TIAM1: variants seen among roughly 807,000 people sequenced by gnomAD.
TIAM1 encodes TIAM Rac1 associated GEF 1.
TIAM1 carries 65 observed loss-of-function variants against 163.5 expected under a neutral mutation model. That is an observed-to-expected ratio of 0.40 (90% CI 0.33 to 0.49). The LOEUF (loss-of-function observed/expected upper bound fraction) is 0.49. Ranked by LOEUF, TIAM1 falls within the 20% of genes least tolerant of loss-of-function variation. The pLI is 0.77. For synonymous variants in TIAM1, 833 were observed against 810.1 expected, an observed-to-expected ratio of 1.03 and a Z score of -0.48; for missense variants, 1,789 against 2,044.7, an observed-to-expected ratio of 0.87 and a Z score of 2.41.
rs960690988 is a variant in TIAM1, at chr21:31,242,549, G to A, written c.1584+2939C>T. 5.9e-5 allele frequency among the ~76,000 whole-genome samples: 9 copies of A among 152,278 alleles called. No homozygotes were observed. In the South Asian group the frequency reaches 1.9e-3, roughly 32 times the overall value. On this transcript the variant is annotated intron_variant, in intron 6 of 27. Coordinates refer to ENST00000541036, the MANE Select transcript of TIAM1 (RefSeq NM_001353694.2). ...AGGCAGAGATGGAAGCTAGTTGCCT[G>A]AGCGTTGATGATAGGCTTGAACTTG...
At chr21:31,318,862 T>G (rs1453405401) in intron 2 of TIAM1, among the ~76,000 whole-genome samples, 1 of 152,198 alleles carries the variant, frequency 6.6e-6, no homozygotes, top group Non-Finnish European at 1.5e-5. Context: ...TGGTGGTTTT[T>G]GTTTTTGTTG....
chr21:31,176,118 G>C (rs1438588513), intron 15 of TIAM1, among the ~76,000 whole-genome samples: 2 of 152,126 alleles, frequency 1.3e-5, no homozygotes, highest in African/African-American at 4.8e-5. Context: ...GCGTACTATT[G>C]TCTCGTAGTG....
intron 2 of TIAM1, among the ~76,000 whole-genome samples, chr21:31,380,571 T>A (rs12483487): frequency 0.058 from 8,774 of 151,920 alleles, 493 homozygotes; most frequent in East Asian, 0.29. Flanking sequence ...TAATATAAAG[T>A]AAAGTAAATA....
At chr21:31,461,558 A>C (rs1465298249) in intron 2 of TIAM1, among the ~76,000 whole-genome samples, 1 of 152,214 alleles carries the variant, frequency 6.6e-6, no homozygotes, top group Non-Finnish European at 1.5e-5. Flanking sequence ...ATGAAGTAAA[A>C]GGACACCATT....
At chr21:31,417,180 G>C (rs1261791115) in intron 2 of TIAM1, among the ~76,000 whole-genome samples, 1 of 152,084 alleles carries the variant, frequency 6.6e-6, no homozygotes, top group Non-Finnish European at 1.5e-5. Context: ...GCGCCACCAC[G>C]TCTGGCTAAT....
At chr21:31,419,485 C>T (rs1037699294) in intron 2 of TIAM1, among the ~76,000 whole-genome samples, 1 of 152,202 alleles carries the variant, frequency 6.6e-6, no homozygotes, top group African/African-American at 2.4e-5. Context: ...TCTTCAGCAA[C>T]ACTTACAAGT....
At chr21:31,282,150 A>C (rs1353676636) in intron 2 of TIAM1, among the ~76,000 whole-genome samples, 1 of 152,148 alleles carries the variant, frequency 6.6e-6, no homozygotes, top group Non-Finnish European at 1.5e-5. Flanking sequence ...TAAATTTCAC[A>C]ATGTCCAAAT....
At chr21:31,222,707 A>ATATATATATATATATATTTTTTT (rs1235400142) in intron 8 of TIAM1, among the ~76,000 whole-genome samples, 1 of 32,886 alleles carries the variant, frequency 3.0e-5, no homozygotes, top group African/African-American at 1.4e-4. Context: ...ATATATATAT[A>ATATATATATATATATATTTTTTT]TTTTTTTTTT....
chr21:31,377,659 C>A (rs920568948), intron 2 of TIAM1, among the ~76,000 whole-genome samples: 19 of 152,144 alleles, frequency 1.2e-4, no homozygotes, highest in Non-Finnish European at 2.5e-4. Context: ...CACATTCCTG[C>A]TTTTTAAAGG....
rs148952385 is a variant in TIAM1 at position 31,254,253 on chromosome 21, T to C, written c.964-2064A>G. 5.9e-4 allele frequency among the ~76,000 whole-genome samples: 90 copies of C among 152,362 alleles called. No individual in the cohort carries two copies. In the East Asian group the frequency reaches 0.011, roughly 19 times the overall value. On this transcript the variant is annotated intron_variant, in intron 4 of 27. Transcript: ENST00000541036. ...GAAGGGACTTGGCAAAGCTATCTCA[T>C]TGATTGACAGCCTGCGGCTTAGAAA...
chr21:31,180,810 T>C (rs114691353), intron 15 of TIAM1, among the ~76,000 whole-genome samples: 1,536 of 152,362 alleles, frequency 0.01, 25 homozygotes, highest in African/African-American at 0.035. Context: ...GGAGCCACTT[T>C]TCAAAAATTT....
At chr21:31,436,044 C>T (rs1204890604) in intron 2 of TIAM1, among the ~76,000 whole-genome samples, 1 of 152,162 alleles carries the variant, frequency 6.6e-6, no homozygotes, top group Non-Finnish European at 1.5e-5. Flanking sequence ...AGACAAGATC[C>T]TTCACATATG....
At chr21:31,226,781 A>C (rs950298220) in intron 6 of TIAM1, among the ~76,000 whole-genome samples, 4 of 152,134 alleles carry the variant, frequency 2.6e-5, no homozygotes, top group African/African-American at 9.7e-5. Context: ...GGTGAAACAA[A>C]TGCTCAGAAG....
intron 2 of TIAM1, among the ~76,000 whole-genome samples, chr21:31,294,640 T>C (rs570588174): frequency 1.3e-5 from 2 of 152,284 alleles, no homozygotes; most frequent in South Asian, 2.1e-4. Context: ...GGGTATGGTA[T>C]GTAAAGAGAA....
rs553693299 is a variant in TIAM1, at chr21:31,407,795, C to G, written c.-369+56188G>C. Among the ~76,000 whole-genome samples, 345 of 152,050 alleles carry G rather than the reference C, an allele frequency of 2.3e-3. 3 individuals carry two copies. The highest frequency in any genetic ancestry group is 0.02 in the South Asian group (94 of 4,802). Reference sequence around the variant, plus strand: ...ATATTACAGGCGCCCGCCACCACGCCTGGGTAATTTTTTTGTATTTTCAGT... The same window carrying G: ...ATATTACAGGCGCCCGCCACCACGCGTGGGTAATTTTTTTGTATTTTCAGT... On this transcript the variant is annotated intron_variant, in intron 2 of 28. Transcript: ENST00000286827.
At chr21:31,277,853 C>T in intron 2 of TIAM1, among the ~76,000 whole-genome samples, 1 of 152,188 alleles carries the variant, frequency 6.6e-6, no homozygotes, top group Admixed American at 6.5e-5. Flanking sequence ...AACAATATGA[C>T]ATCCCAAATC....
At chr21:31,165,832 C>T (rs2084185542) in intron 15 of TIAM1, among the ~76,000 whole-genome samples, 1 of 152,182 alleles carries the variant, frequency 6.6e-6, no homozygotes, top group African/African-American at 2.4e-5. Flanking sequence ...ATATCCATTA[C>T]CTGAAAAATC....
intron 2 of TIAM1, among the ~76,000 whole-genome samples, chr21:31,309,420 T>C (rs372539196): frequency 6.6e-6 from 1 of 152,228 alleles, no homozygotes; most frequent in East Asian, 1.9e-4. Context: ...ATTGCACCAC[T>C]GCATTCCATC....
At chr21:31,287,802 G>A (rs894739217) in intron 2 of TIAM1, among the ~76,000 whole-genome samples, 2 of 152,146 alleles carry the variant, frequency 1.3e-5, no homozygotes, top group African/African-American at 4.8e-5. Context: ...TGTATTTGAT[G>A]GGATTACACG....
Sources: allele counts gnomAD v4.1 joint callset (sites outside exome capture counted in the v4.1 genomes callset), GRCh38; gene constraint gnomAD v4.1.1; transcripts MANE v1.5; gene names NCBI Gene and HGNC (gene_info 2026-07-23, HGNC 2026-07-21).